Variants in ARID1B observed in about 807,000 individuals in gnomAD.
ARID1B encodes AT-rich interaction domain 1B.
In ARID1B, 30 loss-of-function variants were observed where a neutral mutation model predicts 212.3. The observed-to-expected ratio is 0.14, with a 90% CI of 0.11 to 0.19. The LOEUF (loss-of-function observed/expected upper bound fraction) is 0.19. Ranked by LOEUF, ARID1B falls within the 10% of genes least tolerant of loss-of-function variation. ARID1B has a pLI of 1.00. For synonymous variants in ARID1B, 1,402 were observed against 1,301.7 expected, an observed-to-expected ratio of 1.08 and a Z score of -1.66; for missense variants, 2,891 against 3,204.0, an observed-to-expected ratio of 0.90 and a Z score of 2.36.
chr6:156,989,842 C>T (rs1046874268), intron 4 of ARID1B, among the ~76,000 whole-genome samples: 10 of 152,088 alleles, frequency 6.6e-5, no homozygotes, highest in African/African-American at 1.7e-4. Flanking sequence ...TGTTACCTCC[C>T]GGGTGATGGG....
intron 4 of ARID1B, among the ~76,000 whole-genome samples, chr6:157,065,940 AG>A (rs1371562028): frequency 6.6e-6 from 1 of 152,204 alleles, no homozygotes; most frequent in Non-Finnish European, 1.5e-5. Flanking sequence ...TTGTGTAATC[AG>A]TACTTGGTTC....
intron 1 of ARID1B, among the ~76,000 whole-genome samples, chr6:156,803,704 G>C (rs1780952220): frequency 1.3e-5 from 2 of 150,488 alleles, no homozygotes; most frequent in Non-Finnish European, 3.0e-5. Flanking sequence ...ACATTGAGTG[G>C]GTTAGTTGTA....
chr6:156,815,655 G>A (rs1006938324), intron 1 of ARID1B, among the ~76,000 whole-genome samples: 1 of 152,260 alleles, frequency 6.6e-6, no homozygotes, highest in South Asian at 2.1e-4. Flanking sequence ...GAGGCCCAGT[G>A]ATTAAAATCA....
chr6:157,190,500 T>C lies in ARID1B; in HGVS notation c.4231+290T>C, dbSNP rs1438199733. 6.6e-6 allele frequency among the ~76,000 whole-genome samples: 1 copy of C among 152,198 alleles called. No individual in the cohort carries two copies. The highest frequency in any genetic ancestry group is 2.4e-5 in the African/African-American group (1 of 41,452). On this transcript the variant is annotated intron_variant, in intron 15 of 19. Coordinates refer to ENST00000636930, the MANE Select transcript of ARID1B (RefSeq NM_001374828.1). The surrounding 1 kb of genome is among the most constrained non-coding windows in gnomAD (Gnocchi z 4.6). Reference sequence around the variant, plus strand: ...CACGTGCCAAGTTACGTTCCTCATCTAGAAATTGGGAAAATAATAGGACCC... The same window carrying C: ...CACGTGCCAAGTTACGTTCCTCATCCAGAAATTGGGAAAATAATAGGACCC...
At chr6:157,180,630 C>T (rs1404625177) in intron 11 of ARID1B, among the ~76,000 whole-genome samples, 1 of 152,010 alleles carries the variant, frequency 6.6e-6, no homozygotes, top group Non-Finnish European at 1.5e-5. Context: ...GAGCTAGAAC[C>T]CTTTTATTTT....
intron 12 of ARID1B, among the ~76,000 whole-genome samples, chr6:157,181,866 GA>G (rs1235107990): frequency 6.6e-6 from 1 of 152,192 alleles, no homozygotes; most frequent in African/African-American, 2.4e-5. Flanking sequence ...TAGGAACAGG[GA>G]AAAGGTACTC....
chr6:156,851,070 G>A (rs998540940), intron 2 of ARID1B, among the ~76,000 whole-genome samples: 1 of 152,156 alleles, frequency 6.6e-6, no homozygotes, highest in Non-Finnish European at 1.5e-5. Flanking sequence ...ATTTATTACC[G>A]TGGGGGAATG....
At chr6:156,827,183 C>CATT (rs1782798519) in intron 1 of ARID1B, among the ~76,000 whole-genome samples, 1 of 152,146 alleles carries the variant, frequency 6.6e-6, no homozygotes, top group Non-Finnish European at 1.5e-5. Context: ...AGCTGCAGCT[C>CATT]ATTATGTCTC....
At position 156,778,328 on chromosome 6, in the gene ARID1B, C is replaced by T. The variant is rs542974447; in HGVS notation, c.648C>T (p.Pro216=). ...QQQQQQQQQH[P]ISNNNSLGGA... ...AGCAGCAGCAGCAACAGCAACATCC[C>T]ATTTCCAACAACAACAGCTTGGGCG... The change falls in exon 1 of 20, where the codon CCC becomes CCT. Residue 216 remains proline (P), a synonymous_variant. Transcript: ENST00000636930. 2 of 1,542,880 alleles carry T rather than the reference C, an allele frequency of 1.3e-6. No individual in the cohort carries two copies. Among genetic ancestry groups the T allele is most frequent in the East Asian group, 2.5e-5 (1 of 40,784 alleles).
chr6:157,190,112 C>A lies in ARID1B; in HGVS notation c.4133C>A (p.Thr1378Asn). 1 of 1,614,236 alleles carries A rather than the reference C, an allele frequency of 6.2e-7. No homozygotes were observed. The highest frequency in any genetic ancestry group is 8.5e-7 in the Non-Finnish European group (1 of 1,180,048). ...DSSFPKRNSM[T>N]PNAPYQQGMS... The stretch of plus-strand genomic sequence containing the variant: ...TCCTTCCCGAAACGGAACTCCATGA[C>A]TCCAAACGCCCCCTACCAGCAGGGC... The change falls in exon 15 of 20, where the codon ACT becomes AAT. Residue 1378 changes from threonine (T) to asparagine (N), a missense_variant. This residue lies in a region of ARID1B where 666 missense variants were observed against 873.5 expected (regional missense o/e 0.76). Coordinates refer to ENST00000636930, the MANE Select transcript of ARID1B (RefSeq NM_001374828.1). This position sits in a 1 kb window ranked among gnomAD's most constrained non-coding sequence, Gnocchi z 4.6.
At chr6:156,776,935 C>G (rs114287291), upstream of ARID1B, 365 of 152,356 alleles carry the variant, frequency 2.4e-3, 2 homozygotes, top group African/African-American at 7.9e-3. Context: ...AATTACATAA[C>G]TCCTGGGAGA....
chr6:156,833,256 T>C (rs1783269421), intron 2 of ARID1B, among the ~76,000 whole-genome samples: 1 of 152,182 alleles, frequency 6.6e-6, no homozygotes, highest in African/African-American at 2.4e-5. Context: ...CAAGATATTC[T>C]TTGCTGGATC....
At chr6:156,985,956 G>A (rs552167121) in intron 4 of ARID1B, among the ~76,000 whole-genome samples, 24 of 152,328 alleles carry the variant, frequency 1.6e-4, no homozygotes, top group Middle Eastern at 3.4e-3. Flanking sequence ...ATTTCGAGAT[G>A]TAATGTCCTG....
In ARID1B at chr6:157,076,852, ATC is replaced by A. The variant is rs529085025; in HGVS notation, c.2248-7800_2248-7799del. 2.0e-5 allele frequency among the ~76,000 whole-genome samples: 3 copies of A among 152,162 alleles called. No individual in the cohort carries two copies. In the South Asian group the frequency reaches 6.2e-4, roughly 32 times the overall value. Reference sequence around the variant, plus strand: ...TTGGGAAGCACCAACCCATAAACCCATCTCTCTCTCTTCCTCAGTGGTATTAG... The same window carrying A: ...TTGGGAAGCACCAACCCATAAACCCATCTCTCTCTTCCTCAGTGGTATTAG... On this transcript the variant is annotated intron_variant, in intron 4 of 19. Coordinates refer to ENST00000636930, the MANE Select transcript of ARID1B (RefSeq NM_001374828.1).
chr6:156,969,067 C>T lies in ARID1B; in HGVS notation c.2247+33491C>T, dbSNP rs538750382. ...GGTTCTGTTCATGGGTTGAAACTTT[C>T]AGAGGCTGAGGATTTAACTTCAATT... On this transcript the variant is annotated intron_variant, in intron 4 of 19. Coordinates refer to ENST00000636930, the MANE Select transcript of ARID1B (RefSeq NM_001374828.1). Among the ~76,000 whole-genome samples the T allele has an allele frequency of 3.7e-4, 57 of 152,322 alleles. 1 individual carries two copies. In the South Asian group the frequency reaches 0.012, roughly 32 times the overall value.
intron 1 of ARID1B, among the ~76,000 whole-genome samples, chr6:156,783,103 A>T (rs1405784247): frequency 1.3e-5 from 2 of 152,098 alleles, no homozygotes; most frequent in South Asian, 2.1e-4. Flanking sequence ...TATAATGAGG[A>T]ACCTTAACCC....
chr6:157,175,076 T>C (rs1030384385), intron 11 of ARID1B, 71 bp downstream of exon 11: 9 of 1,181,240 alleles, frequency 7.6e-6, no homozygotes, highest in Non-Finnish European at 1.1e-6. Context: ...AATTAATTAA[T>C]TCTACTTGAA....
At chr6:156,946,873 A>G (rs1028021746) in intron 4 of ARID1B, among the ~76,000 whole-genome samples, 1 of 152,244 alleles carries the variant, frequency 6.6e-6, no homozygotes, top group African/African-American at 2.4e-5. Context: ...ATCCTGTAAC[A>G]TCTAAAAGGA....
rs552321806 is a variant in ARID1B, at chr6:156,854,398, A to C, written c.1986+24977A>C. Among the ~76,000 whole-genome samples the C allele has an allele frequency of 5.9e-5, 9 of 152,352 alleles. No individual in the cohort carries two copies. In the South Asian group the frequency reaches 1.9e-3, roughly 32 times the overall value. ...AGAAAATTAAGGTTTCTTATGACCC[A>C]TAACCTGAGGCAGTTCAGGAAGCCC... On this transcript the variant is annotated intron_variant, in intron 2 of 19. Coordinates refer to ENST00000636930, the MANE Select transcript of ARID1B (RefSeq NM_001374828.1).
Sources: gnomAD v4.1 joint callset for allele counts (sites outside exome capture counted in the v4.1 genomes callset) on GRCh38, gnomAD v4.1.1 for gene constraint, gnomAD v4.1.1 regional missense constraint, Gnocchi (gnomAD v3.1) non-coding constraint, MANE v1.5 for transcripts, NCBI Gene and HGNC (gene_info 2026-07-23, HGNC 2026-07-21) for gene names.